The following TPO variants were observed in gnomAD, a reference collection of about 807,000 sequenced individuals.
TPO encodes the protein thyroid peroxidase.
Under a neutral mutation model 96.9 loss-of-function variants are expected in TPO, and 78 were observed. That is an observed-to-expected ratio of 0.81 (90% CI 0.67 to 0.97). The LOEUF (loss-of-function observed/expected upper bound fraction) is 0.97. TPO is among the 50% of genes least tolerant of loss of function. TPO has a pLI of 0.00. For missense variants in TPO, 1,252 were observed against 1,274.8 expected, an observed-to-expected ratio of 0.98 and a Z score of 0.27; for synonymous variants, 547 against 538.0, an observed-to-expected ratio of 1.02 and a Z score of -0.23.
Position 1,542,769 on chromosome 2 carries a change from A to C in TPO, c.*295A>C. ...GAACCCTGGAAACACCACTCTTGCA[A>C]TCCTCCTGTCTCCACCTTCTGGCAT... On this transcript the variant is annotated 3_prime_UTR_variant, in exon 17 of 17. Coordinates refer to ENST00000329066, the MANE Select transcript of TPO (RefSeq NM_001206744.2). The C allele has an allele frequency of 1.4e-6, 1 of 726,218 alleles. No individual in the cohort carries two copies. Among genetic ancestry groups the C allele is most frequent in the Non-Finnish European group, 2.1e-6 (1 of 468,498 alleles). 45.0% of individuals were successfully genotyped at this position (726,218 alleles called of 1,614,324 possible).
intron 15 of TPO, among the ~76,000 whole-genome samples, chr2:1,535,284 C>T (rs569016644): frequency 1.5e-5 from 2 of 133,550 alleles, no homozygotes; most frequent in East Asian, 2.9e-4. Flanking sequence ...ATACTGTATG[C>T]AACCTCCTCA....
At chr2:1,536,948 C>T (rs1394199769) in intron 15 of TPO, among the ~76,000 whole-genome samples, 8 of 99,274 alleles carry the variant, frequency 8.1e-5, no homozygotes, top group African/African-American at 2.8e-4. Context: ...TGAGCAACCT[C>T]TCAAATCCCC....
intron 7 of TPO, among the ~76,000 whole-genome samples, chr2:1,462,198 G>A (rs1668509397): frequency 1.3e-5 from 2 of 152,132 alleles, no homozygotes; most frequent in Admixed American, 6.5e-5. Flanking sequence ...CAGAGAGGCT[G>A]GGGCAGGTGC....
chr2:1,400,722 GC>G (rs915993609), intron 1 of TPO, among the ~76,000 whole-genome samples: 7 of 151,714 alleles, frequency 4.6e-5, no homozygotes, highest in Non-Finnish European at 7.4e-5. Context: ...ACTGATGCAG[GC>G]TTTTATTGTA....
At chr2:1,422,398 C>CGCCTCTCCTGG (rs1553298334) in intron 2 of TPO, among the ~76,000 whole-genome samples, 4 of 109,316 alleles carry the variant, frequency 3.7e-5, no homozygotes, top group African/African-American at 1.5e-4. Flanking sequence ...CGCGCTGGGC[C>CGCCTCTCCTGG]ATGGGGAGAG....
intron 1 of TPO, among the ~76,000 whole-genome samples, chr2:1,380,397 A>AAG (rs1442508778): frequency 6.7e-6 from 1 of 150,150 alleles, no homozygotes; most frequent in African/African-American, 2.4e-5. Flanking sequence ...CTGTCTCAAA[A>AAG]AAAAAAAAAA....
chr2:1,381,139 A>G (rs1661803408), intron 1 of TPO, among the ~76,000 whole-genome samples: 1 of 152,202 alleles, frequency 6.6e-6, no homozygotes, highest in Non-Finnish European at 1.5e-5. Context: ...ACCAAAAGCA[A>G]TGGCAATTAA....
chr2:1,422,361 C>CTCTCCTGGACCGACCTCGTGCAG (rs1558264460), intron 2 of TPO, among the ~76,000 whole-genome samples: 1 of 140,242 alleles, frequency 7.1e-6, no homozygotes, highest in Admixed American at 6.9e-5. Flanking sequence ...GTGCAGGCGC[C>CTCTCCTGGACCGACCTCGTGCAG]GCGCTGGACC....
intron 3 of TPO, among the ~76,000 whole-genome samples, chr2:1,432,129 G>C (rs1189257832): frequency 6.6e-6 from 1 of 152,254 alleles, no homozygotes; most frequent in African/African-American, 2.4e-5. Context: ...AGCACAGTCC[G>C]CTGTGGTCAC....
chr2:1,425,779 G>A (rs1444394456), intron 3 of TPO, among the ~76,000 whole-genome samples: 7 of 151,890 alleles, frequency 4.6e-5, no homozygotes, highest in Admixed American at 1.3e-4. Context: ...ACAGAGATGC[G>A]TTAGATCATT....
chr2:1,374,288 G>A (rs4927602), exon 1 of TPO: 90,193 of 152,086 alleles, frequency 0.59, 27,974 homozygotes, highest in African/African-American at 0.77. Context: ...CCCTGCCTTC[G>A]GTCGGTGCCG....
chr2:1,488,661 CT>C (rs1671405629), intron 10 of TPO, among the ~76,000 whole-genome samples: 1 of 152,196 alleles, frequency 6.6e-6, no homozygotes. Context: ...CTGACACCTC[CT>C]ATTCTGTGTG....
intron 1 of TPO, among the ~76,000 whole-genome samples, chr2:1,378,533 G>C (rs1296423265): frequency 6.6e-6 from 1 of 152,250 alleles, no homozygotes; most frequent in Non-Finnish European, 1.5e-5. Context: ...TTTGCCACCT[G>C]TCCTGGGGGC....
intron 15 of TPO, among the ~76,000 whole-genome samples, chr2:1,519,788 C>T (rs2125088912): frequency 6.6e-6 from 1 of 152,200 alleles, no homozygotes; most frequent in Non-Finnish European, 1.5e-5. Flanking sequence ...TTTGTATTTG[C>T]AAACATCCCT....
chr2:1,511,227 AAAGCCCTGCAGACTGGGGGTGCCACAGCG>A (rs1558385658), intron 14 of TPO, among the ~76,000 whole-genome samples: 41 of 124,608 alleles, frequency 3.3e-4, no homozygotes, highest in Non-Finnish European at 4.9e-4. Context: ...GTGCCACAGC[AAAGCCCTGCAGACTGGGGGTGCCACAGCG>A]CAGCCCTGCA....
At chr2:1,518,626 G>A (rs942085776) in intron 15 of TPO, among the ~76,000 whole-genome samples, 3 of 152,212 alleles carry the variant, frequency 2.0e-5, no homozygotes, top group African/African-American at 7.2e-5. Flanking sequence ...ATATTTCAGT[G>A]ACGTATTTCT....
rs375152400 is a variant in TPO, at chr2:1,453,805, C to G, written c.594C>G (p.Asn198Lys). ...PRGWNPGFLY[N>K]GFPLPPVREV... ...GCTGGAACCCCGGCTTCTTGTACAA[C>G]GGGTTCCCACTGCCCCCGGTGGGTA... is the stretch of plus-strand genomic sequence containing the variant. The change falls in exon 6 of 17, where the codon AAC becomes AAG. Residue 198 changes from asparagine (N) to lysine (K), a missense_variant. Transcript: ENST00000329066. The G allele has an allele frequency of 1.9e-6, 3 of 1,613,792 alleles. No homozygotes were observed. Among genetic ancestry groups the G allele is most frequent in the Admixed American group, 3.3e-5 (2 of 60,028 alleles).
At chr2:1,446,070 C>A (rs1168910956) in intron 5 of TPO, among the ~76,000 whole-genome samples, 1 of 152,150 alleles carries the variant, frequency 6.6e-6, no homozygotes, top group African/African-American at 2.4e-5. Flanking sequence ...GGGGGTGAAT[C>A]TGGAGGGACA....
In TPO at chr2:1,436,323, A is replaced by G; in HGVS notation, c.421A>G (p.Lys141Glu). Reference protein sequence around the residue: ...SGCLPYMLPPKCPNTCLANKY... With the variant: ...SGCLPYMLPPECPNTCLANKY... Reference sequence around the variant, plus strand: ...ATGTCTCCCTTACATGCTGCCCCCAAAATGCCCAAACACTTGCCTGGCGAA... The same window carrying G: ...ATGTCTCCCTTACATGCTGCCCCCAGAATGCCCAAACACTTGCCTGGCGAA... Residue 141 changes from lysine (K) to glutamate (E), a missense_variant, in exon 5 of 17, where the codon AAA becomes GAA. Physicochemically the swap from Lys to Glu is moderately conservative, Grantham distance 56 (BLOSUM62 1). Transcript: ENST00000329066. 1 of 1,614,198 alleles carries G rather than the reference A, an allele frequency of 6.2e-7. No individual in the cohort carries two copies. Among genetic ancestry groups the G allele is most frequent in the Non-Finnish European group, 8.5e-7 (1 of 1,180,046 alleles).
Sources: gnomAD v4.1 joint callset for allele counts (sites outside exome capture counted in the v4.1 genomes callset) on GRCh38, gnomAD v4.1.1 for gene constraint, MANE v1.5 for transcripts, NCBI Gene and HGNC (gene_info 2026-07-23, HGNC 2026-07-21) for gene names.